The following IL4I1 variants were observed in gnomAD, a reference collection of about 807,000 sequenced individuals.
IL4I1 encodes the protein L-amino-acid oxidase.
Under a neutral mutation model 29.7 loss-of-function variants are expected in IL4I1, and 24 were observed. The observed-to-expected ratio is 0.81, with a 90% CI of 0.59 to 1.14. The LOEUF (loss-of-function observed/expected upper bound fraction) is 1.14. Ranked by LOEUF, IL4I1 falls within the 50% of genes most tolerant of loss-of-function variation. IL4I1 has a pLI of 0.00. For missense variants in IL4I1, 686 were observed against 785.6 expected (o/e 0.87, Z 1.52); for synonymous variants, 371 against 352.5 (o/e 1.05, Z -0.59).
chr19:49,928,909 G>A (rs1047193234), intron 1 of IL4I1: 1 of 152,524 alleles, frequency 6.6e-6, no homozygotes, highest in African/African-American at 2.4e-5. Context: ...AGACCTCAGA[G>A]GCAGAAAGAG....
intron 2 of IL4I1, among the ~76,000 whole-genome samples, chr19:49,915,962 C>T (rs2075613313): frequency 6.6e-6 from 1 of 152,244 alleles, no homozygotes; most frequent in Non-Finnish European, 1.5e-5. Context: ...CCGTTTGTTC[C>T]CTGCTGTATT....
intron 2 of IL4I1, among the ~76,000 whole-genome samples, chr19:49,916,971 C>T (rs918640314): frequency 1.3e-5 from 2 of 152,342 alleles, no homozygotes; most frequent in Middle Eastern, 3.4e-3. Flanking sequence ...CCATGGCATT[C>T]GGCTGACAGC....
intron 2 of IL4I1, among the ~76,000 whole-genome samples, chr19:49,922,435 C>G (rs2075787655): frequency 6.6e-6 from 1 of 152,050 alleles, no homozygotes; most frequent in African/African-American, 2.4e-5. Context: ...CTGTCCTCCC[C>G]TCCTTCACAT....
intron 2 of IL4I1, among the ~76,000 whole-genome samples, chr19:49,904,813 C>T (rs942686467): frequency 8.6e-5 from 13 of 151,898 alleles, no homozygotes; most frequent in Non-Finnish European, 1.8e-4. Context: ...GGGTTCATGC[C>T]ATTCTCCTGC....
In IL4I1 at chr19:49,908,967, TGGTGGC is replaced by T. The variant is rs762665664; in HGVS notation, c.-227-4652_-227-4647del. On this transcript the variant is annotated intron_variant, in intron 2 of 9. Transcript: ENST00000341114. The stretch of plus-strand genomic sequence containing the variant: ...CCGGTGGTGCTGCTGCTGCTGGTGG[TGGTGGC>T]GGTGGCGGTGGCAGCGGTGGATGTT... The T allele has an allele frequency of 2.2e-5, 35 of 1,607,484 alleles. No individual in the cohort carries two copies. Among genetic ancestry groups the T allele is most frequent in the African/African-American group, 9.4e-5 (7 of 74,434 alleles).
intron 2 of IL4I1, chr19:49,907,851 C>T (rs2075358694): frequency 5.9e-6 from 2 of 341,202 alleles, no homozygotes; most frequent in South Asian, 5.1e-5. Context: ...GGTTCTCTTA[C>T]ATTTGGTATT....
chr19:49,911,313 G>A (rs1415559672), intron 2 of IL4I1: 7 of 152,196 alleles, frequency 4.6e-5, no homozygotes, highest in Non-Finnish European at 7.3e-5. Flanking sequence ...AGAAAGCCAG[G>A]AGCCAAGGAA....
In IL4I1 at chr19:49,906,084, G is replaced by A. The variant is rs78883480; in HGVS notation, c.-227-1763C>T. Reference sequence around the variant, plus strand: ...TTAGGACCATTCCAGTCCATAGAGCGAGGCTGGAGGGTGGAGGAAGAGCAT... The same window carrying A: ...TTAGGACCATTCCAGTCCATAGAGCAAGGCTGGAGGGTGGAGGAAGAGCAT... On this transcript the variant is annotated intron_variant, in intron 2 of 9. Coordinates refer to the IL4I1 transcript ENST00000341114. Among the ~76,000 whole-genome samples the A allele has an allele frequency of 2.8e-3, 427 of 152,280 alleles. 2 individuals carry two copies. Among genetic ancestry groups the A allele is most frequent in the African/African-American group, 9.8e-3 (406 of 41,556 alleles).
chr19:49,919,128 G>A (rs999805026), intron 2 of IL4I1, among the ~76,000 whole-genome samples: 4 of 152,182 alleles, frequency 2.6e-5, no homozygotes, highest in Non-Finnish European at 5.9e-5. Flanking sequence ...ACTCCAGCCT[G>A]GGCAACAAGA....
At chr19:49,912,127 A>T (rs112103239) in intron 2 of IL4I1, among the ~76,000 whole-genome samples, 3,585 of 151,958 alleles carry the variant, frequency 0.024, 148 homozygotes, top group African/African-American at 0.081. Flanking sequence ...TACAAGGAAA[A>T]CAATCTTCTA....
rs562261110 is a variant in IL4I1 at position 49,924,416 on chromosome 19, T to C, written c.-228+3278A>G. 4.3e-3 allele frequency among the ~76,000 whole-genome samples: 650 copies of C among 152,214 alleles called. 12 individuals are homozygous for C. Among genetic ancestry groups the C allele is most frequent in the Non-Finnish European group, 7.2e-3 (492 of 67,996 alleles). On this transcript the variant is annotated intron_variant, in intron 2 of 9. Coordinates refer to the IL4I1 transcript ENST00000341114. Reference sequence around the variant, plus strand: ...CCAAGGCTCTGCTAACCGGGAGCGGTTGCCAGGTGTGCTGGGGTCCCCAGA... The same window carrying C: ...CCAAGGCTCTGCTAACCGGGAGCGGCTGCCAGGTGTGCTGGGGTCCCCAGA...
At chr19:49,891,299 G>C in intron 6 of IL4I1, 106 bp downstream of exon 6, 1 of 1,429,562 alleles carries the variant, frequency 7.0e-7, no homozygotes, top group Non-Finnish European at 9.8e-7. Context: ...GCAGGAAGGC[G>C]GTGGCAGGAC....
Position 49,890,065 on chromosome 19 carries a change from C to G in IL4I1, c.1309G>C (p.Gly437Arg), listed in dbSNP as rs1434139379. 6.5e-7 allele frequency: 1 copy of G among 1,549,400 alleles called. No homozygotes were observed. The highest frequency in any genetic ancestry group is 8.7e-7 in the Non-Finnish European group (1 of 1,147,086). ...GCCCAACGCTTGACGACGCCGGTGC[C>G]GTCCCAGAGCTGGCGCACGACAGGC... is the stretch of plus-strand genomic sequence containing the variant. ...HGPVVRQLWD[G>R]TGVVKRWAED... is the part of the protein sequence containing the mutation. Residue 437 changes from glycine to arginine, a missense_variant, in exon 8 of 8, where the codon GGC becomes CGC. Coordinates refer to ENST00000391826, the MANE Select transcript of IL4I1 (RefSeq NM_152899.2).
chr19:49,908,226 G>A, intron 2 of IL4I1: 5 of 1,611,960 alleles, frequency 3.1e-6, no homozygotes, highest in Middle Eastern at 1.7e-4. Flanking sequence ...GCGGGCCCCA[G>A]GGCTGCTGTC....
intron 2 of IL4I1, among the ~76,000 whole-genome samples, chr19:49,912,569 G>T (rs1031443095): frequency 6.6e-6 from 1 of 152,116 alleles, no homozygotes; most frequent in Admixed American, 6.6e-5. Context: ...CCTGATCCAC[G>T]CAGTTTAGAT....
intron 2 of IL4I1, chr19:49,909,226 C>A: frequency 6.2e-7 from 1 of 1,613,930 alleles, no homozygotes; most frequent in East Asian, 2.2e-5. Context: ...TGGCTGCTGG[C>A]GTGGCCGGAG....
chr19:49,912,804 C>T (rs1419372937), intron 2 of IL4I1: 1 of 152,222 alleles, frequency 6.6e-6, no homozygotes, highest in Non-Finnish European at 1.5e-5. Flanking sequence ...GAGGTGGAGG[C>T]TGCAGTGAGC....
intron 2 of IL4I1, among the ~76,000 whole-genome samples, chr19:49,925,154 G>C (rs538498825): frequency 1.3e-5 from 2 of 152,172 alleles, no homozygotes; most frequent in South Asian, 2.1e-4. Flanking sequence ...CTAGCTACTC[G>C]GGAGGCTGAG....
At chr19:49,898,828 C>T (rs895478676), upstream of IL4I1, among the ~76,000 whole-genome samples, 3 of 152,168 alleles carry the variant, frequency 2.0e-5, no homozygotes, top group East Asian at 1.9e-4. Context: ...GAGATTGCAC[C>T]GCTGCACTCC....
Sources: allele counts gnomAD v4.1 joint callset (sites outside exome capture counted in the v4.1 genomes callset), GRCh38; gene constraint gnomAD v4.1.1; transcripts MANE v1.5; gene names NCBI Gene and HGNC (gene_info 2026-07-23, HGNC 2026-07-21).